NELL1: variants seen among roughly 807,000 people sequenced by gnomAD.
The protein encoded by NELL1 is protein kinase C-binding protein NELL1.
Under a neutral mutation model 107.4 loss-of-function variants are expected in NELL1, and 76 were observed. That is an observed-to-expected ratio of 0.71 (90% CI 0.59 to 0.86). The LOEUF (loss-of-function observed/expected upper bound fraction) is 0.86. NELL1 is among the 40% of genes least tolerant of loss of function. NELL1 has a pLI of 0.00. For synonymous variants in NELL1, 353 were observed against 341.2 expected (o/e 1.03, Z -0.38); for missense variants, 1,024 against 1,005.5 (o/e 1.02, Z -0.25).
intron 12 of NELL1, among the ~76,000 whole-genome samples, chr11:20,970,099 A>C (rs962519309): frequency 4.5e-5 from 5 of 110,110 alleles, no homozygotes; most frequent in Non-Finnish European, 7.4e-5. Flanking sequence ...ATCCATCCGT[A>C]CTCTGAACAT....
rs572641322 is a variant in NELL1 at position 20,706,215 on chromosome 11, C to T, written c.184+28155C>T. 3.2e-3 allele frequency among the ~76,000 whole-genome samples: 491 copies of T among 152,196 alleles called. 3 individuals carry two copies. The highest frequency in any genetic ancestry group is 5.1e-3 in the Non-Finnish European group (344 of 68,018). ...TCATGCTGCTATAAAGACACATGCA[C>T]ACATATGTTTATTGTGGCACTATTC... On this transcript the variant is annotated intron_variant, in intron 2 of 19. Transcript: ENST00000357134.
At chr11:20,851,380 A>C (rs902834227) in intron 4 of NELL1, among the ~76,000 whole-genome samples, 4 of 152,146 alleles carry the variant, frequency 2.6e-5, no homozygotes, top group African/African-American at 9.7e-5. Flanking sequence ...TGATGTGTGG[A>C]TAGCAGATTA....
chr11:20,700,966 C>T (rs955357825), intron 2 of NELL1, among the ~76,000 whole-genome samples: 8 of 152,188 alleles, frequency 5.3e-5, no homozygotes, highest in Admixed American at 2.0e-4. Context: ...CCACAATAAA[C>T]ATACGTGTGC....
intron 7 of NELL1, among the ~76,000 whole-genome samples, chr11:20,923,479 T>A (rs562215454): frequency 6.6e-6 from 1 of 152,282 alleles, no homozygotes; most frequent in African/African-American, 2.4e-5. Flanking sequence ...TTTGTCCTCC[T>A]ACATTTCCCT....
At chr11:21,042,523 C>A (rs942001525) in intron 12 of NELL1, among the ~76,000 whole-genome samples, 1 of 152,178 alleles carries the variant, frequency 6.6e-6, no homozygotes, top group African/African-American at 2.4e-5. Flanking sequence ...AATTATGGTG[C>A]TAGTCCAAAC....
At chr11:20,821,851 G>C (rs752778013) in intron 3 of NELL1, among the ~76,000 whole-genome samples, 5 of 152,156 alleles carry the variant, frequency 3.3e-5, no homozygotes, top group Non-Finnish European at 5.9e-5. Flanking sequence ...GTATGTTACT[G>C]GGGAGCACTT....
At chr11:20,746,566 T>TCACACA (rs10556247) in intron 2 of NELL1, among the ~76,000 whole-genome samples, 1,811 of 149,342 alleles carry the variant, frequency 0.012, 33 homozygotes, top group African/African-American at 0.04. Context: ...GTGACAGATT[T>TCACACA]CACACACACA....
chr11:20,740,800 AT>A (rs1410408603), intron 2 of NELL1, among the ~76,000 whole-genome samples: 1 of 151,456 alleles, frequency 6.6e-6, no homozygotes, highest in Non-Finnish European at 1.5e-5. Flanking sequence ...TCTTAATTTT[AT>A]TTTTTGTAGA....
chr11:21,205,205 C>A (rs80233802), intron 13 of NELL1, among the ~76,000 whole-genome samples: 3 of 152,078 alleles, frequency 2.0e-5, no homozygotes, highest in African/African-American at 4.8e-5. Flanking sequence ...GTTGAAGATG[C>A]GCCCACAGCC....
chr11:20,803,278 A>G (rs1857315747), intron 3 of NELL1, among the ~76,000 whole-genome samples: 1 of 152,008 alleles, frequency 6.6e-6, no homozygotes, highest in Non-Finnish European at 1.5e-5. Context: ...GGGTTTCTTC[A>G]TGGTTCAATC....
chr11:21,307,733 T>G (rs189679773), intron 14 of NELL1, among the ~76,000 whole-genome samples: 1 of 152,004 alleles, frequency 6.6e-6, no homozygotes, highest in Non-Finnish European at 1.5e-5. Context: ...AGCTTTATTC[T>G]AAGATAACAG....
intron 13 of NELL1, among the ~76,000 whole-genome samples, chr11:21,198,812 C>T (rs1368080185): frequency 2.0e-5 from 3 of 152,118 alleles, no homozygotes; most frequent in Non-Finnish European, 2.9e-5. Context: ...CTATACAATC[C>T]TTTCATGAAG....
intron 2 of NELL1, among the ~76,000 whole-genome samples, chr11:20,726,752 C>G (rs538530615): frequency 6.6e-6 from 1 of 151,936 alleles, no homozygotes; most frequent in East Asian, 1.9e-4. Context: ...CCCCATCCCC[C>G]CACCCCATGA....
chr11:21,040,239 C>T (rs1343894683), intron 12 of NELL1, among the ~76,000 whole-genome samples: 1 of 151,770 alleles, frequency 6.6e-6, no homozygotes, highest in Non-Finnish European at 1.5e-5. Context: ...TACTTGTAAA[C>T]ATCAATTGAA....
At chr11:21,562,193 T>C (rs2134003510) in intron 17 of NELL1, among the ~76,000 whole-genome samples, 1 of 152,148 alleles carries the variant, frequency 6.6e-6, no homozygotes, top group African/African-American at 2.4e-5. Context: ...TCATTGAAAA[T>C]TTCCCAGAGC....
chr11:21,497,105 T>C lies in NELL1; in HGVS notation c.1646-37269T>C, dbSNP rs555195454. ...ATAAGCATACGTGTGCATGTGTCTT[T>C]ATAGCAGCATGATTTATAATCCTTT... On this transcript the variant is annotated intron_variant, in intron 15 of 19. Transcript: ENST00000357134. Among the ~76,000 whole-genome samples, 4 of 141,410 alleles carry C rather than the reference T, an allele frequency of 2.8e-5. No individual in the cohort carries two copies. In the East Asian group the frequency reaches 8.5e-4, roughly 30 times the overall value. The allele number at this position is 141,410 out of a possible 152,430, so 92.8% of individuals were successfully genotyped here.
intron 14 of NELL1, among the ~76,000 whole-genome samples, chr11:21,345,743 CA>C (rs1262701799): frequency 6.6e-6 from 1 of 152,148 alleles, no homozygotes; most frequent in Non-Finnish European, 1.5e-5. Flanking sequence ...TGTCTTTTCC[CA>C]AATGAGTTTT....
intron 12 of NELL1, among the ~76,000 whole-genome samples, chr11:20,976,052 A>G (rs1590487207): frequency 6.9e-6 from 1 of 145,984 alleles, no homozygotes; most frequent in East Asian, 2.0e-4. Context: ...ACATTTATAT[A>G]TACATATATC....
chr11:20,846,277 C>A (rs1260444369), intron 3 of NELL1, among the ~76,000 whole-genome samples: 2 of 152,102 alleles, frequency 1.3e-5, no homozygotes, highest in East Asian at 3.9e-4. Context: ...GAAAGATGAG[C>A]AAGAAATATG....
Sources: gnomAD v4.1 joint callset for allele counts (sites outside exome capture counted in the v4.1 genomes callset) on GRCh38, gnomAD v4.1.1 for gene constraint, MANE v1.5 for transcripts, NCBI Gene and HGNC (gene_info 2026-07-23, HGNC 2026-07-21) for gene names.